Variants in CFDP1 observed in about 807,000 individuals in gnomAD.
The protein encoded by CFDP1 is heterochromatin-stabilizing protein CFDP1.
Under a neutral mutation model 40.1 loss-of-function variants are expected in CFDP1, and 31 were observed. The ratio of observed to expected loss-of-function variants is 0.77; its 90% confidence interval spans 0.58 to 1.04. The LOEUF (loss-of-function observed/expected upper bound fraction) is 1.04. CFDP1 is among the 50% of genes least tolerant of loss of function. The probability of loss-of-function intolerance (pLI) is 0.00; values close to 1 mark genes in which losing one functional copy is unlikely to be tolerated. For synonymous variants in CFDP1, 167 were observed against 120.0 expected, an observed-to-expected ratio of 1.39 and a Z score of -2.56; for missense variants, 423 against 343.4, an observed-to-expected ratio of 1.23 and a Z score of -1.83.
intron 4 of CFDP1, among the ~76,000 whole-genome samples, chr16:75,397,521 G>T (rs1337508060): frequency 6.7e-6 from 1 of 149,848 alleles, no homozygotes; most frequent in South Asian, 2.1e-4. Context: ...GAAAACAACA[G>T]GCCGGGGGCA....
chr16:75,339,493 T>C (rs2078511652), intron 5 of CFDP1, among the ~76,000 whole-genome samples: 1 of 152,310 alleles, frequency 6.6e-6, no homozygotes, highest in East Asian at 1.9e-4. Context: ...TCTTTTATGA[T>C]GGTTTGGCGA....
intron 1 of CFDP1, among the ~76,000 whole-genome samples, chr16:75,428,490 C>T (rs888171141): frequency 2.6e-5 from 4 of 151,158 alleles, no homozygotes; most frequent in South Asian, 2.1e-4. Context: ...TGGTGGCACG[C>T]GCCTGTATCC....
At chr16:75,425,893 A>G (rs925741438) in intron 1 of CFDP1, among the ~76,000 whole-genome samples, 12 of 151,210 alleles carry the variant, frequency 7.9e-5, no homozygotes, top group African/African-American at 2.7e-4. Context: ...AAAATTAGCC[A>G]GGCGTGGTGG....
intron 5 of CFDP1, among the ~76,000 whole-genome samples, chr16:75,332,234 G>A (rs1384549062): frequency 6.6e-6 from 1 of 152,160 alleles, no homozygotes; most frequent in African/African-American, 2.4e-5. Flanking sequence ...GGAGGCCGAG[G>A]TGGGCGGATC....
intron 4 of CFDP1, among the ~76,000 whole-genome samples, chr16:75,410,239 A>C (rs1254168038): frequency 1.3e-5 from 2 of 152,130 alleles, no homozygotes; most frequent in South Asian, 4.1e-4. Context: ...ACTGCCAATG[A>C]AAATCAATGT....
At chr16:75,397,794 A>G (rs2079009722) in intron 4 of CFDP1, among the ~76,000 whole-genome samples, 1 of 152,102 alleles carries the variant, frequency 6.6e-6, no homozygotes, top group African/African-American at 2.4e-5. Context: ...CGACAGCGAG[A>G]CTCCGTCTCA....
intron 5 of CFDP1, among the ~76,000 whole-genome samples, chr16:75,310,858 T>C (rs970523392): frequency 6.6e-6 from 1 of 152,206 alleles, no homozygotes; most frequent in African/African-American, 2.4e-5. Flanking sequence ...CATCCCCAGG[T>C]ACCCAGCTGT....
chr16:75,335,294 G>A (rs74682382), intron 5 of CFDP1, among the ~76,000 whole-genome samples: 1,581 of 152,120 alleles, frequency 0.01, 31 homozygotes, highest in African/African-American at 0.033. Flanking sequence ...TTGCCCTTAG[G>A]GGGAAAAATA....
intron 1 of CFDP1, among the ~76,000 whole-genome samples, chr16:75,428,609 T>A (rs1193330812): frequency 6.9e-6 from 1 of 144,162 alleles, no homozygotes; most frequent in African/African-American, 2.6e-5. Flanking sequence ...AGAGCTATAC[T>A]CCATCTCAAA....
intron 4 of CFDP1, among the ~76,000 whole-genome samples, chr16:75,408,750 C>T (rs1227345983): frequency 1.3e-5 from 2 of 151,510 alleles, no homozygotes; most frequent in Non-Finnish European, 2.9e-5. Flanking sequence ...ACTCTAGCCT[C>T]GGCAACAGAT....
intron 1 of CFDP1, among the ~76,000 whole-genome samples, chr16:75,427,633 G>A (rs2079356165): frequency 1.3e-5 from 2 of 152,018 alleles, no homozygotes; most frequent in African/African-American, 2.4e-5. Context: ...AGAGCAACTT[G>A]AACTCTCAAA....
At chr16:75,391,799 T>C (rs957637129) in intron 5 of CFDP1, among the ~76,000 whole-genome samples, 1 of 151,330 alleles carries the variant, frequency 6.6e-6, no homozygotes. Context: ...TGAAACCCCG[T>C]CTCTACTAAA....
chr16:75,297,598 G>C (rs1366950299), intron 6 of CFDP1, among the ~76,000 whole-genome samples: 1 of 152,190 alleles, frequency 6.6e-6, no homozygotes, highest in Admixed American at 6.5e-5. Flanking sequence ...AGCCCTTTTG[G>C]GGGCCCAGCA....
chr16:75,422,393 CCT>C (rs1358346225), intron 1 of CFDP1, among the ~76,000 whole-genome samples: 1 of 149,200 alleles, frequency 6.7e-6, no homozygotes, highest in African/African-American at 2.5e-5. Context: ...CTGCGTATGG[CCT>C]CTTTTTTTTT....
At chr16:75,418,252 C>CA (rs34789992) in intron 1 of CFDP1, among the ~76,000 whole-genome samples, 981 of 56,684 alleles carry the variant, frequency 0.017, 18 homozygotes, top group African/African-American at 0.041. Context: ...AACTCTGTCT[C>CA]AAAAAAAAAA....
intron 5 of CFDP1, among the ~76,000 whole-genome samples, chr16:75,387,694 T>C (rs1026047408): frequency 3.3e-5 from 5 of 152,202 alleles, no homozygotes; most frequent in Non-Finnish European, 5.9e-5. Flanking sequence ...CAATGTAGGA[T>C]TCATACCTCA....
intron 4 of CFDP1, among the ~76,000 whole-genome samples, chr16:75,408,230 G>A (rs1368640875): frequency 6.6e-6 from 1 of 151,892 alleles, no homozygotes; most frequent in Non-Finnish European, 1.5e-5. Context: ...TGAAAACCCT[G>A]AACTAAATGA....
At chr16:75,429,651 C>G (rs117902544) in intron 1 of CFDP1, among the ~76,000 whole-genome samples, 6,845 of 152,166 alleles carry the variant, frequency 0.045, 214 homozygotes, top group Non-Finnish European at 0.068. Context: ...AAGACTCTAT[C>G]TCTAAATAAA....
intron 5 of CFDP1, among the ~76,000 whole-genome samples, chr16:75,368,091 A>AT (rs1438753997): frequency 6.6e-6 from 1 of 152,214 alleles, no homozygotes; most frequent in Non-Finnish European, 1.5e-5. Flanking sequence ...AGAAGACTCC[A>AT]TCTCAAACAA....
Sources: gnomAD v4.1 joint callset for allele counts (sites outside exome capture counted in the v4.1 genomes callset) on GRCh38, gnomAD v4.1.1 for gene constraint, MANE v1.5 for transcripts, NCBI Gene and HGNC (gene_info 2026-07-23, HGNC 2026-07-21) for gene names.